The following GALNT11 variants were observed in gnomAD, a reference collection of about 807,000 sequenced individuals.
GALNT11 encodes UDP-GalNAc:polypeptide N-acetylgalactosaminyltransferase 11.
GALNT11 carries 47 observed loss-of-function variants against 72.7 expected under a neutral mutation model. That is an observed-to-expected ratio of 0.65 (90% CI 0.51 to 0.82). GALNT11 has a LOEUF of 0.82. Ranked by LOEUF, GALNT11 falls within the 40% of genes least tolerant of loss-of-function variation. The probability of loss-of-function intolerance (pLI) is 0.00; values close to 1 mark genes in which losing one functional copy is unlikely to be tolerated. For synonymous variants in GALNT11, 270 were observed against 286.6 expected, an observed-to-expected ratio of 0.94 and a Z score of 0.58; for missense variants, 677 against 778.4, an observed-to-expected ratio of 0.87 and a Z score of 1.55.
intron 1 of GALNT11, among the ~76,000 whole-genome samples, chr7:152,042,039 C>T (rs1269345949): frequency 6.6e-6 from 1 of 152,196 alleles, no homozygotes; most frequent in Non-Finnish European, 1.5e-5. Flanking sequence ...TAATGTAACA[C>T]TGAAATTTTT....
chr7:152,085,869 C>G (rs2085612078), intron 1 of GALNT11, among the ~76,000 whole-genome samples: 1 of 151,598 alleles, frequency 6.6e-6, no homozygotes, highest in Non-Finnish European at 1.5e-5. Flanking sequence ...GTGTGTGCCA[C>G]CACACCTGGC....
chr7:152,091,541 T>A (rs1050881517), intron 1 of GALNT11, among the ~76,000 whole-genome samples: 4 of 151,910 alleles, frequency 2.6e-5, no homozygotes, highest in African/African-American at 9.7e-5. Flanking sequence ...CGCCCGGCCC[T>A]AATTTTTTGT....
rs759814968 is a variant in GALNT11, at chr7:152,120,919, G to A, written c.1646G>A (p.Arg549Gln). The A allele has an allele frequency of 2.3e-5, 37 of 1,613,934 alleles. No homozygotes were observed. Among genetic ancestry groups the A allele is most frequent in the Non-Finnish European group, 2.8e-5 (33 of 1,180,008 alleles). Residue 549 changes from arginine to glutamine, a missense_variant, in exon 11 of 12, where the codon CGG becomes CAG. By Grantham distance (43) the Arg-to-Gln change is conservative (BLOSUM62 1). Coordinates refer to ENST00000430044, the MANE Select transcript of GALNT11 (RefSeq NM_022087.4). ...MSETRSSDPP[R>Q]LMKCHGSGGS... ...GAGACTCGCTCATCAGACCCGCCACGGCTCATGAAATGCCACGGGTCAGGA... is the reference window on the plus strand; with the variant it reads ...GAGACTCGCTCATCAGACCCGCCACAGCTCATGAAATGCCACGGGTCAGGA...
chr7:152,031,346 C>T (rs536452103), intron 1 of GALNT11, among the ~76,000 whole-genome samples: 1 of 152,324 alleles, frequency 6.6e-6, no homozygotes, highest in South Asian at 2.1e-4. Context: ...GGCAGTCATG[C>T]TCGATTGGTT....
intron 1 of GALNT11, among the ~76,000 whole-genome samples, chr7:152,028,809 A>G (rs1586888065): frequency 6.6e-6 from 1 of 152,180 alleles, no homozygotes; most frequent in Non-Finnish European, 1.5e-5. Context: ...GGAACTCTTT[A>G]GGCCAGTGAA....
intron 1 of GALNT11, among the ~76,000 whole-genome samples, chr7:152,057,004 ATT>A (rs71198754): frequency 0.052 from 3,911 of 74,976 alleles, 127 homozygotes; most frequent in African/African-American, 0.12. Context: ...ATGCCCAGCT[ATT>A]TTTTTTTTTT....
chr7:152,075,836 C>A (rs552389975), intron 1 of GALNT11, among the ~76,000 whole-genome samples: 1 of 149,852 alleles, frequency 6.7e-6, no homozygotes, highest in Non-Finnish European at 1.5e-5. Context: ...CCGAGGCGGG[C>A]GGATCACGAG....
intron 2 of GALNT11, among the ~76,000 whole-genome samples, chr7:152,095,214 CTCTTCAACTTGGATGCAAGACTCTATTG>C: frequency 6.6e-6 from 1 of 152,020 alleles, no homozygotes; most frequent in African/African-American, 2.4e-5. Context: ...AAATTATATT[CTCTTCAACTTGGATGCAAGACTCTATTG>C]TCTATGCCTT....
chr7:152,084,308 G>A (rs997645235), intron 1 of GALNT11, among the ~76,000 whole-genome samples: 1 of 148,828 alleles, frequency 6.7e-6, no homozygotes. Flanking sequence ...AGGAGGCTGA[G>A]AGGATGATGA....
chr7:152,029,306 G>A (rs1385875556), intron 1 of GALNT11, among the ~76,000 whole-genome samples: 1 of 152,184 alleles, frequency 6.6e-6, no homozygotes, highest in African/African-American at 2.4e-5. Context: ...TCCTTTGAGA[G>A]TGTGGTAGTA....
chr7:152,099,983 A>G (rs1257120524), intron 2 of GALNT11, among the ~76,000 whole-genome samples: 2 of 143,398 alleles, frequency 1.4e-5, no homozygotes, highest in African/African-American at 5.2e-5. Context: ...AGTAGAGACA[A>G]GGTCTCGCTG....
chr7:152,047,686 C>CTGTG (rs1563045721), intron 1 of GALNT11, among the ~76,000 whole-genome samples: 1 of 144,588 alleles, frequency 6.9e-6, no homozygotes, highest in African/African-American at 2.9e-5. Context: ...AACAGTGACA[C>CTGTG]CGTGTGTGTG....
At chr7:152,047,018 T>C (rs573082505) in intron 1 of GALNT11, among the ~76,000 whole-genome samples, 1 of 152,288 alleles carries the variant, frequency 6.6e-6, no homozygotes, top group East Asian at 1.9e-4. Flanking sequence ...TATAACAATT[T>C]TAAACCAATG....
intron 1 of GALNT11, among the ~76,000 whole-genome samples, chr7:152,072,247 A>G (rs2084694739): frequency 6.9e-6 from 1 of 145,086 alleles, no homozygotes; most frequent in Non-Finnish European, 1.5e-5. Context: ...TCAACCTGGG[A>G]GGTGGAGGTT....
intron 8 of GALNT11, among the ~76,000 whole-genome samples, chr7:152,116,549 T>C (rs1302958700): frequency 6.6e-6 from 1 of 152,226 alleles, no homozygotes; most frequent in Non-Finnish European, 1.5e-5. Flanking sequence ...GATAGACCAG[T>C]ACATTTTAAT....
At chr7:152,095,261 G>C (rs1017031072) in intron 2 of GALNT11, among the ~76,000 whole-genome samples, 3 of 151,822 alleles carry the variant, frequency 2.0e-5, no homozygotes, top group African/African-American at 4.8e-5. Flanking sequence ...TTTGAATACT[G>C]CAATTTTAGA....
intron 1 of GALNT11, among the ~76,000 whole-genome samples, chr7:152,031,866 G>A (rs1298025341): frequency 6.6e-6 from 1 of 152,162 alleles, no homozygotes; most frequent in Non-Finnish European, 1.5e-5. Flanking sequence ...GAGGGGCCTG[G>A]CTATCTTGCT....
At chr7:152,059,873 G>A (rs990207633) in intron 1 of GALNT11, among the ~76,000 whole-genome samples, 1 of 152,216 alleles carries the variant, frequency 6.6e-6, no homozygotes. Flanking sequence ...TCAACTTAAA[G>A]TCACCAGCTG....
At chr7:152,088,540 G>A (rs1439591063) in intron 1 of GALNT11, among the ~76,000 whole-genome samples, 1 of 143,904 alleles carries the variant, frequency 6.9e-6, no homozygotes, top group East Asian at 2.1e-4. Flanking sequence ...TAAGATTTCT[G>A]TAATCTCTCT....
Sources: gnomAD v4.1 joint callset for allele counts (sites outside exome capture counted in the v4.1 genomes callset) on GRCh38, gnomAD v4.1.1 for gene constraint, MANE v1.5 for transcripts, NCBI Gene and HGNC (gene_info 2026-07-23, HGNC 2026-07-21) for gene names.